MAP4: variants seen among roughly 807,000 people sequenced by gnomAD.
MAP4 encodes microtubule associated protein 4.
In MAP4, 76 loss-of-function variants were observed where a neutral mutation model predicts 170.2. That is an observed-to-expected ratio of 0.45 (90% CI 0.37 to 0.54). The LOEUF is 0.54. Among genes scored for constraint, MAP4 ranks in the 20% least tolerant of loss-of-function variants. MAP4 has a pLI of 0.00. For synonymous variants in MAP4, 909 were observed against 994.5 expected (o/e 0.91, Z 1.62); for missense variants, 2,506 against 2,748.0 (o/e 0.91, Z 1.97).
At chr3:47,946,654 C>CA (rs11427271) in intron 3 of MAP4, among the ~76,000 whole-genome samples, 12,316 of 40,650 alleles carry the variant, frequency 0.3, 2,119 homozygotes, top group African/African-American at 0.45. Context: ...AACTCCGTCT[C>CA]AAAAAAAAAA....
intron 6 of MAP4, among the ~76,000 whole-genome samples, chr3:47,917,463 G>A (rs2100040361): frequency 2.0e-5 from 3 of 151,846 alleles, no homozygotes; most frequent in African/African-American, 4.8e-5. Flanking sequence ...GCAGGCGCCT[G>A]TAATCCCAGC....
At position 47,852,913 on chromosome 3, in the gene MAP4, CG is replaced by C. The variant is rs2045693403; in HGVS notation, c.*20del. 1 of 1,609,554 alleles carries C rather than the reference CG, an allele frequency of 6.2e-7. No individual in the cohort carries two copies. Among genetic ancestry groups the C allele is most frequent in the Non-Finnish European group, 8.5e-7 (1 of 1,177,486 alleles). ...GTCGGTGCGGGCCCTGGCATTTGCC[CG>C]GAACGTCAGCCTGTAGGTCTCAATC... is the stretch of plus-strand genomic sequence containing the variant. On this transcript the variant is annotated 3_prime_UTR_variant, in exon 21 of 21. Transcript: ENST00000683076.
intron 10 of MAP4, among the ~76,000 whole-genome samples, chr3:47,883,520 T>A (rs1404375684): frequency 6.6e-6 from 1 of 152,232 alleles, no homozygotes; most frequent in Non-Finnish European, 1.5e-5. Flanking sequence ...CCACCATACC[T>A]GGCTATTTCC....
In MAP4 at chr3:47,911,807, G is replaced by C. The variant is rs1293657461; in HGVS notation, c.2614C>G (p.Gln872Glu). Residue 872 changes from glutamine (Q) to glutamate (E), a missense_variant, in exon 9 of 21, where the codon CAG becomes GAG. By Grantham distance (29) the Gln-to-Glu change is conservative. Transcript: ENST00000683076. The surrounding 1 kb of genome is among the most constrained non-coding windows in gnomAD (Gnocchi z 4.0). The part of the protein sequence containing the change: ...EEAPKTAISS[Q>E]SKLRVEEESK... ...TCTTCCTCTACTCTCAGCTTAGACT[G>C]AGAACTTATTGCAGTTTTGGGGGCT... The C allele has an allele frequency of 1.3e-6, 2 of 1,536,008 alleles. No homozygotes were observed. Among genetic ancestry groups the C allele is most frequent in the Admixed American group, 2.0e-5 (1 of 50,982 alleles).
upstream of MAP4, among the ~76,000 whole-genome samples, chr3:48,016,967 C>A (rs1196370372): frequency 6.6e-6 from 1 of 151,530 alleles, no homozygotes; most frequent in African/African-American, 2.4e-5. Flanking sequence ...TCAGTAGAGA[C>A]GAGGTTTCAT....
chr3:48,037,948 C>A (rs566178192), intron 1 of MAP4, among the ~76,000 whole-genome samples: 18 of 152,174 alleles, frequency 1.2e-4, no homozygotes, highest in African/African-American at 3.9e-4. Flanking sequence ...GGGTGGATCA[C>A]CTGAGGTCAG....
At chr3:48,004,292 T>C (rs1258023087) in intron 1 of MAP4, among the ~76,000 whole-genome samples, 1 of 152,206 alleles carries the variant, frequency 6.6e-6, no homozygotes, top group Admixed American at 6.5e-5. Flanking sequence ...TTCATAGTCC[T>C]TGGCGTGAAC....
intron 17 of MAP4, 82 bp from the exon 18 acceptor site, chr3:47,857,594 C>A: frequency 3.2e-6 from 3 of 947,412 alleles, no homozygotes; most frequent in Middle Eastern, 2.1e-4. Context: ...TAAATCTTCT[C>A]CATGTTCAGG....
At chr3:48,043,245 C>A (rs979988918) in intron 1 of MAP4, among the ~76,000 whole-genome samples, 2 of 152,120 alleles carry the variant, frequency 1.3e-5, no homozygotes, top group African/African-American at 4.8e-5. Flanking sequence ...GGATTACAGG[C>A]ACGTGTCGCC....
intron 3 of MAP4, among the ~76,000 whole-genome samples, chr3:47,950,373 T>C (rs533882658): frequency 3.9e-5 from 6 of 152,274 alleles, no homozygotes; most frequent in Middle Eastern, 6.8e-3. Context: ...AGAAATTGGT[T>C]TGGTGGCACT....
At chr3:47,900,934 C>A (rs1430418529) in intron 10 of MAP4, among the ~76,000 whole-genome samples, 1 of 152,160 alleles carries the variant, frequency 6.6e-6, no homozygotes, top group African/African-American at 2.4e-5. Context: ...GCACACAATA[C>A]CCCTAGGATC....
At chr3:47,920,011 C>A (rs1223686305) in intron 5 of MAP4, among the ~76,000 whole-genome samples, 2 of 152,026 alleles carry the variant, frequency 1.3e-5, no homozygotes, top group East Asian at 3.8e-4. Context: ...TTGCTCGTTG[C>A]CCAGGCTGGA....
chr3:48,038,735 C>G (rs1315810522), intron 1 of MAP4, among the ~76,000 whole-genome samples: 1 of 152,092 alleles, frequency 6.6e-6, no homozygotes, highest in East Asian at 1.9e-4. Flanking sequence ...GCTGGGATTA[C>G]AGGCGTGAGC....
intron 12 of MAP4, among the ~76,000 whole-genome samples, chr3:47,873,781 G>C (rs1012962916): frequency 1.3e-5 from 2 of 152,126 alleles, no homozygotes; most frequent in African/African-American, 4.8e-5. Flanking sequence ...GAATAATCTA[G>C]CATAGTCTTA....
chr3:47,988,671 T>C (rs2100090393), intron 2 of MAP4, among the ~76,000 whole-genome samples: 1 of 152,088 alleles, frequency 6.6e-6, no homozygotes, highest in South Asian at 2.1e-4. Flanking sequence ...TTCTTTTACA[T>C]TTCCTGAACA....
chr3:47,932,957 C>T (rs1183119410), intron 3 of MAP4, among the ~76,000 whole-genome samples: 2 of 152,144 alleles, frequency 1.3e-5, no homozygotes, highest in Non-Finnish European at 2.9e-5. Flanking sequence ...GGCTGGAGTG[C>T]AGTGGCACGA....
At chr3:48,001,239 T>C (rs1009699666) in intron 1 of MAP4, among the ~76,000 whole-genome samples, 4 of 152,212 alleles carry the variant, frequency 2.6e-5, no homozygotes, top group Non-Finnish European at 5.9e-5. Flanking sequence ...GGAGATAGTT[T>C]GTCTCTACCT....
In MAP4 at chr3:47,916,928, A is replaced by G. The variant is rs760657124; in HGVS notation, c.899T>C (p.Met300Thr). The stretch of plus-strand genomic sequence containing the variant: ...TAGTTCCATGTCCTTGACTAGGGCC[A>G]TATCTGATTCCATGGATGGCTGCAT... ...KDMQPSMESD[M>T]ALVKDMELPT... Residue 300 changes from methionine (M) to threonine (T), a missense_variant, in exon 7 of 21, where the codon ATG becomes ACG. Coordinates refer to ENST00000683076, the MANE Select transcript of MAP4 (RefSeq NM_001385682.1). 3 of 1,614,188 alleles carry G rather than the reference A, an allele frequency of 1.9e-6. No homozygotes were observed. Among genetic ancestry groups the G allele is most frequent in the South Asian group, 1.1e-5 (1 of 91,086 alleles).
At chr3:47,884,597 G>A (rs1252600674) in intron 10 of MAP4, among the ~76,000 whole-genome samples, 1 of 152,078 alleles carries the variant, frequency 6.6e-6, no homozygotes, top group African/African-American at 2.4e-5. Flanking sequence ...ATCCCTTTTG[G>A]TACTGCCTGA....
Sources: allele counts gnomAD v4.1 joint callset (sites outside exome capture counted in the v4.1 genomes callset), GRCh38; gene constraint gnomAD v4.1.1; non-coding constraint Gnocchi (gnomAD v3.1); transcripts MANE v1.5; gene names NCBI Gene and HGNC (gene_info 2026-07-23, HGNC 2026-07-21).